The following SCAMP5 variants were observed in gnomAD, a reference collection of about 807,000 sequenced individuals.
SCAMP5 encodes secretory carrier-associated membrane protein 5.
Under a neutral mutation model 28.3 loss-of-function variants are expected in SCAMP5, and 7 were observed. The observed-to-expected ratio is 0.25, with a 90% confidence interval of 0.14 to 0.46. The LOEUF (loss-of-function observed/expected upper bound fraction) is 0.46, where lower values mean the gene tolerates loss of function less well. SCAMP5 is among the 20% of genes least tolerant of loss of function. The pLI, the probability that SCAMP5 is intolerant of heterozygous loss-of-function variation, is 0.99. For missense variants in SCAMP5, 192 were observed against 312.5 expected (o/e 0.61, Z 2.91); for synonymous variants, 117 against 116.4 (o/e 1.00, Z -0.03).
intron 3 of SCAMP5, 131 bp downstream of exon 3, chr15:75,012,936 C>G: frequency 1.2e-6 from 1 of 834,074 alleles, no homozygotes; most frequent in Non-Finnish European, 1.9e-6. Context: ...ATGCATGGAC[C>G]ATAAGTCTTC....
intron 2 of SCAMP5, 38 bp from the exon 3 acceptor site, chr15:75,012,639 G>C: frequency 6.2e-7 from 1 of 1,613,084 alleles, no homozygotes; most frequent in Non-Finnish European, 8.5e-7. Context: ...TCGGGTGGAA[G>C]ACTGGAGGTG....
At chr15:75,014,408 G>T (rs566247717) in intron 3 of SCAMP5, among the ~76,000 whole-genome samples, 2 of 152,212 alleles carry the variant, frequency 1.3e-5, no homozygotes, top group African/African-American at 4.8e-5. Flanking sequence ...CAAATATGAT[G>T]TAGTGTGGAG....
At chr15:75,000,976 C>G (rs2065701053) in intron 1 of SCAMP5, among the ~76,000 whole-genome samples, 1 of 151,898 alleles carries the variant, frequency 6.6e-6, no homozygotes, top group Non-Finnish European at 1.5e-5. Flanking sequence ...AAATTCAGCT[C>G]CAGGCCGGGC....
intron 1 of SCAMP5, among the ~76,000 whole-genome samples, chr15:75,010,555 A>G (rs1595886009): frequency 1.3e-5 from 2 of 152,210 alleles, no homozygotes; most frequent in African/African-American, 4.8e-5. Flanking sequence ...GCTCATGCCT[A>G]TAATCCCAGT....
chr15:75,001,652 C>T (rs1383643295), intron 1 of SCAMP5, among the ~76,000 whole-genome samples: 3 of 151,852 alleles, frequency 2.0e-5, no homozygotes, highest in Non-Finnish European at 2.9e-5. Flanking sequence ...GGGTGGATCA[C>T]GAGGTCAGGA....
chr15:75,005,582 G>C (rs755720196), intron 1 of SCAMP5, among the ~76,000 whole-genome samples: 3 of 151,816 alleles, frequency 2.0e-5, no homozygotes, highest in Non-Finnish European at 4.4e-5. Flanking sequence ...ATTAACATTT[G>C]TCTCGTAGAA....
intron 1 of SCAMP5, among the ~76,000 whole-genome samples, chr15:75,007,060 A>G (rs1029127418): frequency 2.0e-5 from 3 of 152,180 alleles, no homozygotes; most frequent in African/African-American, 7.2e-5. Flanking sequence ...ACTTGCCTCC[A>G]TTAGTTATTG....
chr15:74,996,980 C>T lies in SCAMP5; in HGVS notation c.-49+1307C>T, dbSNP rs2065659616. 6.6e-6 allele frequency among the ~76,000 whole-genome samples: 1 copy of T among 152,096 alleles called. No individual in the cohort carries two copies. Among genetic ancestry groups the T allele is most frequent in the African/African-American group, 2.4e-5 (1 of 41,410 alleles). On this transcript the variant is annotated intron_variant, in intron 1 of 6. Coordinates refer to ENST00000425597, the MANE Select transcript of SCAMP5 (RefSeq NM_138967.4). This position sits in a 1 kb window ranked among gnomAD's most constrained non-coding sequence, Gnocchi z 4.1. The stretch of plus-strand genomic sequence containing the variant: ...GGGAGTTCTAGAGAGAGACCTTGGG[C>T]TCTGTGGCTGTTTCTTTAACCGTTT...
At position 75,019,203 on chromosome 15, in the gene SCAMP5, G is replaced by A; in HGVS notation, c.*220G>A. On this transcript the variant is annotated 3_prime_UTR_variant, in exon 7 of 7. Transcript: ENST00000425597. ...TGGCACTCAGCTGTGGGCTGCACGT[G>A]GAGCTGTCCCGTGCGGTAGTAGCTG... The A allele has an allele frequency of 2.7e-6, 1 of 364,440 alleles. No homozygotes were observed. The highest frequency in any genetic ancestry group is 4.8e-6 in the Non-Finnish European group (1 of 208,566). 22.6% of individuals were successfully genotyped at this position (364,440 alleles called of 1,614,324 possible).
chr15:74,998,996 CT>C, intron 1 of SCAMP5, among the ~76,000 whole-genome samples: 1 of 152,314 alleles, frequency 6.6e-6, no homozygotes, highest in African/African-American at 2.4e-5. Flanking sequence ...TCTCCCTCTG[CT>C]TCCTTGTTTT....
intron 1 of SCAMP5, among the ~76,000 whole-genome samples, chr15:75,001,869 C>CAAAAAAAA (rs769760180): frequency 1.2e-4 from 5 of 40,460 alleles, no homozygotes; most frequent in Admixed American, 3.6e-4. Flanking sequence ...GACTCGGTCT[C>CAAAAAAAA]AAAAAAAAAA....
At chr15:75,011,165 C>A (rs1436105363) in intron 1 of SCAMP5, among the ~76,000 whole-genome samples, 3 of 152,016 alleles carry the variant, frequency 2.0e-5, no homozygotes, top group Non-Finnish European at 4.4e-5. Flanking sequence ...GGGATTATAC[C>A]ACTGCACTCC....
chr15:75,014,114 A>G (rs2065838828), intron 3 of SCAMP5, among the ~76,000 whole-genome samples: 1 of 152,154 alleles, frequency 6.6e-6, no homozygotes, highest in Admixed American at 6.5e-5. Context: ...TATATGTGAC[A>G]CTGCCCTGAG....
intron 1 of SCAMP5, among the ~76,000 whole-genome samples, chr15:75,005,763 C>T (rs1269683028): frequency 1.4e-4 from 21 of 152,096 alleles, no homozygotes; most frequent in African/African-American, 1.7e-4. Context: ...CTCACTCTGT[C>T]GCCCAGGCTG....
chr15:75,015,472 T>C (rs116855156), intron 3 of SCAMP5, among the ~76,000 whole-genome samples: 1 of 151,980 alleles, frequency 6.6e-6, no homozygotes, highest in Non-Finnish European at 1.5e-5. Flanking sequence ...GCCTGGGTCC[T>C]GTTCTTGGGG....
At chr15:75,010,839 C>G (rs2065805010) in intron 1 of SCAMP5, among the ~76,000 whole-genome samples, 1 of 151,900 alleles carries the variant, frequency 6.6e-6, no homozygotes, top group African/African-American at 2.4e-5. Context: ...CGATGCTTTC[C>G]CATCTGCCTA....
chr15:75,006,219 G>C (rs1336152664), intron 1 of SCAMP5, among the ~76,000 whole-genome samples: 2 of 151,198 alleles, frequency 1.3e-5, no homozygotes, highest in Non-Finnish European at 2.9e-5. Flanking sequence ...GGCTGGTCTC[G>C]AACTCCTGAC....
At chr15:75,001,651 A>G (rs1385403574) in intron 1 of SCAMP5, among the ~76,000 whole-genome samples, 2 of 151,974 alleles carry the variant, frequency 1.3e-5, no homozygotes, top group East Asian at 1.9e-4. Context: ...TGGGTGGATC[A>G]CGAGGTCAGG....
In SCAMP5 at chr15:75,018,123, C is replaced by A. The variant is rs1311353707; in HGVS notation, c.395+152C>A. On this transcript the variant is annotated intron_variant, in intron 5 of 6. Transcript: ENST00000425597. The surrounding 1 kb of genome is among the most constrained non-coding windows in gnomAD (Gnocchi z 5.6). Reference sequence around the variant, plus strand: ...GATTCGGGATAGTGTAGTAGTACAACCATAGCATCAGAGGGAAGGAGAACC... The same window carrying A: ...GATTCGGGATAGTGTAGTAGTACAAACATAGCATCAGAGGGAAGGAGAACC... 6.6e-6 allele frequency among the ~76,000 whole-genome samples: 1 copy of A among 151,898 alleles called. No individual in the cohort carries two copies. The highest frequency in any genetic ancestry group is 1.5e-5 in the Non-Finnish European group (1 of 67,980).
Sources: allele counts gnomAD v4.1 joint callset (sites outside exome capture counted in the v4.1 genomes callset), GRCh38; gene constraint gnomAD v4.1.1; non-coding constraint Gnocchi (gnomAD v3.1); transcripts MANE v1.5; gene names NCBI Gene and HGNC (gene_info 2026-07-23, HGNC 2026-07-21).